HAUS6: variants seen among roughly 807,000 people sequenced by gnomAD.
The protein encoded by HAUS6 is HAUS augmin like complex subunit 6.
HAUS6 carries 80 observed loss-of-function variants against 106.8 expected under a neutral mutation model. The observed-to-expected ratio is 0.75, with a 90% CI of 0.63 to 0.90. The LOEUF is 0.90. Ranked by LOEUF, HAUS6 falls within the 40% of genes least tolerant of loss-of-function variation. The probability of loss-of-function intolerance (pLI) is 0.00; values close to 1 mark genes in which losing one functional copy is unlikely to be tolerated. For missense variants in HAUS6, 1,155 were observed against 1,118.1 expected, an observed-to-expected ratio of 1.03 and a Z score of -0.47; for synonymous variants, 356 against 379.1, an observed-to-expected ratio of 0.94 and a Z score of 0.71.
rs182633274 is a variant in HAUS6, at chr9:19,083,956, T to C, written c.700-913A>G. On this transcript the variant is annotated intron_variant, in intron 7 of 16. Transcript: ENST00000380502. ...TAATCTATATTCATTAAAATTGATA[T>C]ACAAGAATATTTAGGCACGCACAGT... 6.8e-5 allele frequency among the ~76,000 whole-genome samples: 10 copies of C among 147,244 alleles called. No homozygotes were observed. The South Asian group carries it at 2.1e-3, about 32-fold the overall frequency.
intron 12 of HAUS6, among the ~76,000 whole-genome samples, 159 bp downstream of exon 12, chr9:19,070,060 G>A (rs1292718242): frequency 6.6e-6 from 1 of 152,150 alleles, no homozygotes; most frequent in African/African-American, 2.4e-5. Flanking sequence ...TACATCCAGT[G>A]ATTGGTGCGT....
chr9:19,090,845 C>A (rs1817729415), intron 4 of HAUS6, among the ~76,000 whole-genome samples: 1 of 152,176 alleles, frequency 6.6e-6, no homozygotes, highest in Non-Finnish European at 1.5e-5. Flanking sequence ...CAGAGTAGAC[C>A]TGAGAATAAC....
chr9:19,058,710 A>G lies in HAUS6; in HGVS notation c.2057T>C (p.Leu686Ser), dbSNP rs750669925. The G allele has an allele frequency of 1.7e-5, 27 of 1,613,856 alleles. No individual in the cohort carries two copies. Among genetic ancestry groups the G allele is most frequent in the Non-Finnish European group, 2.3e-5 (27 of 1,179,896 alleles). Residue 686 changes from leucine to serine, a missense_variant, in exon 16 of 17, where the codon TTG becomes TCG. By Grantham distance (145) the Leu-to-Ser change is moderately radical. Around this residue, in one of 3 missense-constraint regions of HAUS6, gnomAD observed 380 missense variants for 394.8 expected, o/e 0.96. Coordinates refer to ENST00000380502, the MANE Select transcript of HAUS6 (RefSeq NM_017645.5). Reference protein sequence around the residue: ...DEPPTQNQSDLLNKKVICKQD... With the variant: ...DEPPTQNQSDSLNKKVICKQD... Reference sequence around the variant, plus strand: ...CTTGCAAATTACTTTCTTATTTAACAAATCTGACTGATTTTGTGTTGGTGG... The same window carrying G: ...CTTGCAAATTACTTTCTTATTTAACGAATCTGACTGATTTTGTGTTGGTGG...
intron 1 of HAUS6, among the ~76,000 whole-genome samples, chr9:19,099,897 G>A (rs1386197495): frequency 6.6e-6 from 1 of 152,032 alleles, no homozygotes; most frequent in Non-Finnish European, 1.5e-5. Context: ...AAAAAGAATA[G>A]AATTAAACTT....
intron 12 of HAUS6, among the ~76,000 whole-genome samples, chr9:19,064,420 C>A (rs1836715067): frequency 6.6e-6 from 1 of 152,140 alleles, no homozygotes; most frequent in African/African-American, 2.4e-5. Context: ...ATTTGTTAAT[C>A]TTTTGTATTC....
At chr9:19,060,375 A>G in intron 14 of HAUS6, 152 bp from the exon 15 acceptor site, 2 of 571,076 alleles carry the variant, frequency 3.5e-6, no homozygotes. Flanking sequence ...TTCCCCAACA[A>G]CTCTGTATAG....
intron 4 of HAUS6, among the ~76,000 whole-genome samples, chr9:19,090,256 TTC>T (rs1309646467): frequency 1.3e-5 from 2 of 152,222 alleles, no homozygotes; most frequent in African/African-American, 4.8e-5. Context: ...CCTAAAAAAA[TTC>T]TTATTATAAT....
At chr9:19,084,319 A>G (rs1244805470) in intron 7 of HAUS6, among the ~76,000 whole-genome samples, 1 of 152,204 alleles carries the variant, frequency 6.6e-6, no homozygotes, top group African/African-American at 2.4e-5. Flanking sequence ...GGCAAAACTA[A>G]TCTTTAGTGT....
intron 11 of HAUS6, among the ~76,000 whole-genome samples, chr9:19,071,905 T>C (rs1429622646): frequency 6.6e-6 from 1 of 151,508 alleles, no homozygotes; most frequent in African/African-American, 2.4e-5. Flanking sequence ...AAATCAAAAA[T>C]TAACTAACTA....
At chr9:19,086,448 CTA>C (rs1454889430) in intron 7 of HAUS6, among the ~76,000 whole-genome samples, 4 of 152,052 alleles carry the variant, frequency 2.6e-5, no homozygotes, top group Admixed American at 6.6e-5. Flanking sequence ...TGGTGAAACT[CTA>C]TCTCTACTAA....
intron 12 of HAUS6, among the ~76,000 whole-genome samples, chr9:19,069,260 A>G (rs1246345235): frequency 6.6e-6 from 1 of 152,246 alleles, no homozygotes; most frequent in Non-Finnish European, 1.5e-5. Context: ...AATTTGCATT[A>G]GATAATTTCC....
At chr9:19,084,548 G>T (rs1423441990) in intron 7 of HAUS6, among the ~76,000 whole-genome samples, 1 of 150,742 alleles carries the variant, frequency 6.6e-6, no homozygotes, top group East Asian at 1.9e-4. Context: ...GGAGGGAGGT[G>T]GAGAAATATA....
chr9:19,093,975 GA>G (rs1564021117), intron 3 of HAUS6, among the ~76,000 whole-genome samples: 1 of 152,236 alleles, frequency 6.6e-6, no homozygotes, highest in South Asian at 2.1e-4. Context: ...GACCTGGTCA[GA>G]AAAAACAATT....
At chr9:19,090,044 G>A (rs950358826) in intron 4 of HAUS6, among the ~76,000 whole-genome samples, 3 of 151,808 alleles carry the variant, frequency 2.0e-5, no homozygotes, top group African/African-American at 7.3e-5. Context: ...TGAAGGTGTT[G>A]CCCAGGCTAG....
At chr9:19,056,725 T>G (rs1376172946) in intron 16 of HAUS6, 2 of 226,442 alleles carry the variant, frequency 8.8e-6, no homozygotes, top group African/African-American at 4.6e-5. Flanking sequence ...CTCAGCCTCC[T>G]GTGTACCTGG....
At chr9:19,081,671 G>A (rs545759537) in intron 8 of HAUS6, among the ~76,000 whole-genome samples, 8 of 152,086 alleles carry the variant, frequency 5.3e-5, no homozygotes, top group South Asian at 4.2e-4. Flanking sequence ...ATACCTGACC[G>A]CAAGTGATCT....
intron 8 of HAUS6, 39 bp downstream of exon 8, chr9:19,082,834 G>A (rs7869414): frequency 0.12 from 120,008 of 1,019,912 alleles, 8,342 homozygotes; most frequent in African/African-American, 0.29. Context: ...TTACATGATA[G>A]GAGTTTTCTC....
chr9:19,056,353 A>C lies in HAUS6; in HGVS notation c.2858T>G (p.Leu953Trp). Reference protein sequence around the residue: ...SLDAKEPPSDLTR With the variant: ...SLDAKEPPSDWTR Reference sequence around the variant, plus strand: ...TAAATGGGTACGTCTTCATCTTGTCAAGTCAGACGGTGGTTCTTTTGCATC... The same window carrying C: ...TAAATGGGTACGTCTTCATCTTGTCCAGTCAGACGGTGGTTCTTTTGCATC... The change falls in exon 17 of 17, where the codon TTG (leucine) becomes TGG (tryptophan). Residue 953 changes from leucine to tryptophan, a missense_variant. This residue lies in a region of HAUS6 where 380 missense variants were observed against 394.8 expected (regional missense o/e 0.96). Transcript: ENST00000380502. 1 of 1,495,722 alleles carries C rather than the reference A, an allele frequency of 6.7e-7. No homozygotes were observed. Among genetic ancestry groups the C allele is most frequent in the Non-Finnish European group, 9.3e-7 (1 of 1,073,068 alleles). 92.7% of individuals were successfully genotyped at this position (1,495,722 alleles called of 1,614,324 possible).
chr9:19,059,035 C>G (rs1464716518), intron 15 of HAUS6, 34 bp from the exon 16 acceptor site: 1 of 1,114,770 alleles, frequency 9.0e-7, no homozygotes, highest in South Asian at 1.4e-5. Flanking sequence ...AGTTTACTAA[C>G]ATTCCCAAAC....
Sources: gnomAD v4.1 joint callset for allele counts (sites outside exome capture counted in the v4.1 genomes callset) on GRCh38, gnomAD v4.1.1 for gene constraint, gnomAD v4.1.1 regional missense constraint, MANE v1.5 for transcripts, NCBI Gene and HGNC (gene_info 2026-07-23, HGNC 2026-07-21) for gene names.